The following EXD2 variants were observed in gnomAD, a reference collection of about 807,000 sequenced individuals.
EXD2 encodes exonuclease 3'-5' domain-containing protein 2.
EXD2 carries 40 observed loss-of-function variants against 62.5 expected under a neutral mutation model. The ratio of observed to expected loss-of-function variants is 0.64; its 90% CI spans 0.50 to 0.83. EXD2 has a LOEUF of 0.83. Among genes scored for constraint, EXD2 ranks in the 40% least tolerant of loss-of-function variants. The probability of loss-of-function intolerance (pLI) is 0.00; values close to 1 mark genes in which losing one functional copy is unlikely to be tolerated. For missense variants in EXD2, 671 were observed against 761.8 expected (o/e 0.88, Z 1.40); for synonymous variants, 239 against 291.9 (o/e 0.82, Z 1.85).
At position 69,234,797 on chromosome 14, in the gene EXD2, A is replaced by G. The variant is rs1347013579; in HGVS notation, c.815A>G (p.Asp272Gly). The G allele has an allele frequency of 1.2e-6, 2 of 1,614,166 alleles. No individual in the cohort carries two copies. Among genetic ancestry groups the G allele is most frequent in the Non-Finnish European group, 1.7e-6 (2 of 1,180,010 alleles). Reference sequence around the variant, plus strand: ...AGGAATTCACCTGGAGAAAAAAACGATGACCACAGTAGCTGGAGAAAAGTC... The same window carrying G: ...AGGAATTCACCTGGAGAAAAAAACGGTGACCACAGTAGCTGGAGAAAAGTC... ...FSRNSPGEKN[D>G]DHSSWRKVLE... Residue 272 changes from aspartate to glycine, a missense_variant, in exon 6 of 10, where the codon GAT (aspartate) becomes GGT (glycine). Physicochemically the swap from Asp to Gly is moderately conservative, Grantham distance 94. Transcript: ENST00000685843.
At chr14:69,216,876 G>A (rs1304712072) in intron 3 of EXD2, among the ~76,000 whole-genome samples, 2 of 151,860 alleles carry the variant, frequency 1.3e-5, no homozygotes, top group African/African-American at 2.4e-5. Context: ...TTGCATTTTA[G>A]TAATACAATA....
chr14:69,237,754 T>C lies in EXD2; in HGVS notation c.1472T>C (p.Leu491Ser), dbSNP rs200000291. ...FQAPIGSEEG[L>S]RLLEDPERRQ... ...GCCCCCATCGGCTCTGAGGAGGGCT[T>C]GCGCCTGCTGGAAGATCCTGAGCGC... is the stretch of plus-strand genomic sequence containing the variant. Residue 491 changes from leucine to serine, a missense_variant, in exon 9 of 10, where the codon TTG becomes TCG. By Grantham distance (145) the Leu-to-Ser change is moderately radical. Transcript: ENST00000685843. 6.0e-5 allele frequency: 97 copies of C among 1,613,932 alleles called. No homozygotes were observed. In the East Asian group the frequency reaches 1.8e-3, roughly 31 times the overall value.
intron 5 of EXD2, among the ~76,000 whole-genome samples, chr14:69,232,629 A>ATT (rs2043627659): frequency 6.6e-6 from 1 of 152,040 alleles, no homozygotes; most frequent in African/African-American, 2.4e-5. Flanking sequence ...TTTGATTTAC[A>ATT]TTTCCCTTGT....
rs2043997067 is a variant in EXD2 at position 69,242,098 on chromosome 14, T to C, written c.*998T>C. On this transcript the variant is annotated 3_prime_UTR_variant, in exon 10 of 10. Coordinates refer to ENST00000685843, the MANE Select transcript of EXD2 (RefSeq NM_001193360.2). ...TCCTCTGAAGCCTGGGACACTGAGCTTACTTAATACATTAGATGTTCAAAA... is the reference window on the plus strand; with the variant it reads ...TCCTCTGAAGCCTGGGACACTGAGCCTACTTAATACATTAGATGTTCAAAA... The C allele has an allele frequency of 2.5e-6, 1 of 398,514 alleles. No individual in the cohort carries two copies. The highest frequency in any genetic ancestry group is 2.1e-5 in the African/African-American group (1 of 48,644). The allele number at this position is 398,514 out of a possible 1,614,324, so 24.7% of individuals were successfully genotyped here.
At chr14:69,236,297 A>G (rs1325201766) in intron 7 of EXD2, 110 bp from the exon 8 acceptor site, 50 of 1,579,936 alleles carry the variant, frequency 3.2e-5, no homozygotes, top group Non-Finnish European at 2.6e-6. Flanking sequence ...CAACCCAGAA[A>G]TCATGTTCTC....
chr14:69,208,170 T>A (rs2042673763), intron 2 of EXD2, among the ~76,000 whole-genome samples: 1 of 151,554 alleles, frequency 6.6e-6, no homozygotes, highest in Non-Finnish European at 1.5e-5. Context: ...AGTCCTGGGA[T>A]TACAGGCATG....
intron 8 of EXD2, among the ~76,000 whole-genome samples, chr14:69,237,334 C>T (rs1046710471): frequency 2.0e-4 from 30 of 152,292 alleles, no homozygotes; most frequent in Admixed American, 1.4e-3. Context: ...TATGCTGGCC[C>T]ACCACTGAAG....
chr14:69,230,137 A>G (rs1157770430), intron 4 of EXD2, among the ~76,000 whole-genome samples: 1 of 152,104 alleles, frequency 6.6e-6, no homozygotes, highest in Non-Finnish European at 1.5e-5. Flanking sequence ...CTGACTCGGG[A>G]GCACACTGCA....
chr14:69,212,206 C>T (rs1451636970), intron 3 of EXD2, among the ~76,000 whole-genome samples: 1 of 151,816 alleles, frequency 6.6e-6, no homozygotes, highest in African/African-American at 2.4e-5. Context: ...TGAAATCCTC[C>T]CCTCTACTAA....
Position 69,228,440 on chromosome 14 carries a change from C to G in EXD2, c.334-376C>G, listed in dbSNP as rs376095698. 4.6e-3 allele frequency among the ~76,000 whole-genome samples: 700 copies of G among 152,264 alleles called. 16 individuals carry two copies. The highest frequency in any genetic ancestry group is 0.042 in the East Asian group (217 of 5,178). On this transcript the variant is annotated intron_variant, in intron 3 of 9. Transcript: ENST00000685843. Reference sequence around the variant, plus strand: ...CTCCTGACCTCAGGTGATCCGCCCGCCTTGGCCTCCCAAAGTGCTGGGATT... The same window carrying G: ...CTCCTGACCTCAGGTGATCCGCCCGGCTTGGCCTCCCAAAGTGCTGGGATT...
At position 69,241,623 on chromosome 14, in the gene EXD2, G is replaced by A. The variant is rs1011017615; in HGVS notation, c.*523G>A. Reference sequence around the variant, plus strand: ...CATTTCTTTGGCTTCATGCTCTCCCGTAACTCATGTGGTTGGGATCCATCC... The same window carrying A: ...CATTTCTTTGGCTTCATGCTCTCCCATAACTCATGTGGTTGGGATCCATCC... On this transcript the variant is annotated 3_prime_UTR_variant, in exon 10 of 10. Transcript: ENST00000685843. 1.3e-5 allele frequency: 5 copies of A among 378,356 alleles called. No homozygotes were observed. The highest frequency in any genetic ancestry group is 2.3e-5 in the Non-Finnish European group (5 of 213,750). The allele number at this position is 378,356 out of a possible 1,614,324, so 23.4% of individuals were successfully genotyped here. A position where few individuals can be genotyped will look rare whatever the true frequency, so the allele number is the denominator to read the frequency against.
chr14:69,230,088 C>T (rs1015331290), intron 4 of EXD2, among the ~76,000 whole-genome samples: 3 of 152,216 alleles, frequency 2.0e-5, no homozygotes, highest in Non-Finnish European at 4.4e-5. Context: ...GCCACTGTCA[C>T]TGTGTGCTGT....
At chr14:69,198,357 C>T (rs936288809) in intron 1 of EXD2, among the ~76,000 whole-genome samples, 1 of 152,136 alleles carries the variant, frequency 6.6e-6, no homozygotes, top group Non-Finnish European at 1.5e-5. Flanking sequence ...TGCCATAATT[C>T]GAGTATTCTT....
rs1224940150 is a variant in EXD2 at position 69,234,953 on chromosome 14, G to A, written c.971G>A (p.Gly324Glu). ...KPRNKKSKMD[G>E]MVPGNHQGRD... ...AGAAATAAGAAGTCTAAGATGGATG[G>A]GATGGTGCCAGGCAACCACCAAGGG... is the stretch of plus-strand genomic sequence containing the variant. Residue 324 changes from glycine (G) to glutamate (E), a missense_variant, in exon 6 of 10, where the codon GGG (glycine) becomes GAG (glutamate). Gly to Glu is a moderately conservative substitution (Grantham distance 98, BLOSUM62 -2). Transcript: ENST00000685843. 1 of 1,613,712 alleles carries A rather than the reference G, an allele frequency of 6.2e-7. No homozygotes were observed. Among genetic ancestry groups the A allele is most frequent in the Non-Finnish European group, 8.5e-7 (1 of 1,179,870 alleles).
At chr14:69,239,895 C>T (rs931445961) in intron 9 of EXD2, among the ~76,000 whole-genome samples, 56 of 152,328 alleles carry the variant, frequency 3.7e-4, no homozygotes, top group African/African-American at 1.3e-3. Context: ...AGCCACCACG[C>T]CCAGCTGCCA....
chr14:69,240,475 C>T (rs1407559034), intron 9 of EXD2, among the ~76,000 whole-genome samples: 5 of 152,158 alleles, frequency 3.3e-5, no homozygotes, highest in East Asian at 1.9e-4. Context: ...GTGTAACATG[C>T]GGGCCGATTT....
intron 5 of EXD2, among the ~76,000 whole-genome samples, chr14:69,233,900 G>T (rs1164085295): frequency 2.0e-5 from 3 of 151,856 alleles, no homozygotes; most frequent in Middle Eastern, 3.2e-3. Flanking sequence ...CTGAGTAGCT[G>T]GGATTACAGG....
intron 3 of EXD2, among the ~76,000 whole-genome samples, chr14:69,215,980 AGAT>A (rs900294041): frequency 6.6e-6 from 1 of 152,190 alleles, no homozygotes; most frequent in African/African-American, 2.4e-5. Context: ...GATAAACAGA[AGAT>A]CTGTGTAGTA....
Position 69,241,238 on chromosome 14 carries a change from G to A in EXD2, c.*138G>A. On this transcript the variant is annotated 3_prime_UTR_variant, in exon 10 of 10. Transcript: ENST00000685843. ...GAATACTAACCTAGACTAATCCCAG[G>A]ATGCTTCTGCTGGAGCAAAGATATT... 3.0e-6 allele frequency: 2 copies of A among 677,344 alleles called. No individual in the cohort carries two copies. The highest frequency in any genetic ancestry group is 4.9e-6 in the Non-Finnish European group (2 of 410,344). The allele number at this position is 677,344 out of a possible 1,614,324, so 42.0% of individuals were successfully genotyped here.
Sources: gnomAD v4.1 joint callset for allele counts (sites outside exome capture counted in the v4.1 genomes callset) on GRCh38, gnomAD v4.1.1 for gene constraint, MANE v1.5 for transcripts, NCBI Gene and HGNC (gene_info 2026-07-23, HGNC 2026-07-21) for gene names.